Variants in PPP1R9A observed in about 807,000 individuals in gnomAD.
PPP1R9A encodes the protein neurabin-1.
In PPP1R9A, 59 loss-of-function variants were observed where a neutral mutation model predicts 141.9. That is an observed-to-expected ratio of 0.42 (90% CI 0.34 to 0.52). The LOEUF (loss-of-function observed/expected upper bound fraction) is 0.52. PPP1R9A is among the 20% of genes least tolerant of loss of function. The probability of loss-of-function intolerance (pLI) is 0.10; values close to 1 mark genes in which losing one functional copy is unlikely to be tolerated. For missense variants in PPP1R9A, 1,444 were observed against 1,611.9 expected, an observed-to-expected ratio of 0.90 and a Z score of 1.78; for synonymous variants, 500 against 569.7, an observed-to-expected ratio of 0.88 and a Z score of 1.74.
chr7:95,023,918 G>A (rs1278490312), intron 2 of PPP1R9A, among the ~76,000 whole-genome samples: 1 of 152,120 alleles, frequency 6.6e-6, no homozygotes, highest in African/African-American at 2.4e-5. Flanking sequence ...TCTCTTGTGG[G>A]CATTTAGTGC....
At chr7:94,963,068 T>C (rs1797812956) in intron 2 of PPP1R9A, among the ~76,000 whole-genome samples, 1 of 152,096 alleles carries the variant, frequency 6.6e-6, no homozygotes, top group Non-Finnish European at 1.5e-5. Flanking sequence ...TTATTCAAGA[T>C]ACTTGGGGAA....
intron 18 of PPP1R9A, chr7:95,287,141 A>C: frequency 6.2e-7 from 1 of 1,613,048 alleles, no homozygotes; most frequent in Non-Finnish European, 8.5e-7. Context: ...GAGGTGAGCT[A>C]TCAGTGGGCT....
At chr7:95,084,629 A>G (rs1356241014) in intron 2 of PPP1R9A, among the ~76,000 whole-genome samples, 2 of 152,120 alleles carry the variant, frequency 1.3e-5, no homozygotes, top group East Asian at 3.9e-4. Flanking sequence ...TTAGTTACCA[A>G]GCATTTTATA....
Position 95,265,824 on chromosome 7 carries a change from T to C in PPP1R9A, c.2666-2726T>C, listed in dbSNP as rs116246533. 1.5e-3 allele frequency among the ~76,000 whole-genome samples: 227 copies of C among 152,270 alleles called. 1 individual carries two copies. Among genetic ancestry groups the C allele is most frequent in the African/African-American group, 5.4e-3 (223 of 41,570 alleles). On this transcript the variant is annotated intron_variant, in intron 12 of 19. Coordinates refer to ENST00000433360, the MANE Select transcript of PPP1R9A (RefSeq NM_001166160.2). ...TTCAAAAATTGTTAACTGCATACAA[T>C]GTGTTGTTGGCTACTTAGGTACCGG...
intron 2 of PPP1R9A, among the ~76,000 whole-genome samples, chr7:95,002,253 T>C (rs1288585931): frequency 2.0e-5 from 3 of 152,204 alleles, no homozygotes; most frequent in African/African-American, 7.2e-5. Flanking sequence ...AATTGTAATA[T>C]TATAGATTAG....
At chr7:94,921,074 A>G (rs1397137760) in intron 2 of PPP1R9A, among the ~76,000 whole-genome samples, 5 of 152,188 alleles carry the variant, frequency 3.3e-5, no homozygotes, top group Non-Finnish European at 7.4e-5. Flanking sequence ...GTACCTTTTC[A>G]GGCTTGTGAA....
chr7:95,220,601 C>T (rs181138016), intron 7 of PPP1R9A, among the ~76,000 whole-genome samples: 1 of 152,072 alleles, frequency 6.6e-6, no homozygotes, highest in East Asian at 1.9e-4. Flanking sequence ...CTACAACTAT[C>T]TGAATTTATT....
chr7:95,290,009 G>T (rs1419138575), intron 19 of PPP1R9A, 82 bp from the exon 20 acceptor site: 12 of 1,551,380 alleles, frequency 7.7e-6, no homozygotes, highest in Non-Finnish European at 1.0e-5. Flanking sequence ...ATTAGTTTAC[G>T]AACTTGGATA....
At chr7:95,192,017 A>G (rs965515710) in intron 5 of PPP1R9A, among the ~76,000 whole-genome samples, 2 of 152,026 alleles carry the variant, frequency 1.3e-5, no homozygotes, top group Admixed American at 6.6e-5. Flanking sequence ...ATATTTTTGA[A>G]GGTTTTAAAA....
intron 2 of PPP1R9A, among the ~76,000 whole-genome samples, chr7:95,000,990 A>G (rs1467127984): frequency 6.6e-6 from 1 of 152,154 alleles, no homozygotes; most frequent in African/African-American, 2.4e-5. Flanking sequence ...TATCTTGTGT[A>G]GAGCCCTGTG....
intron 2 of PPP1R9A, among the ~76,000 whole-genome samples, chr7:95,050,816 A>T (rs1448713901): frequency 6.6e-6 from 1 of 152,214 alleles, no homozygotes; most frequent in African/African-American, 2.4e-5. Context: ...TAATTTTATA[A>T]GTAGGTAAGG....
chr7:95,152,480 C>T (rs932169595), intron 4 of PPP1R9A, among the ~76,000 whole-genome samples: 1 of 152,074 alleles, frequency 6.6e-6, no homozygotes, highest in Non-Finnish European at 1.5e-5. Flanking sequence ...CGTTTTGTCC[C>T]ATATGTTATA....
chr7:95,194,800 A>C (rs555269943), intron 5 of PPP1R9A, among the ~76,000 whole-genome samples: 7 of 152,056 alleles, frequency 4.6e-5, no homozygotes, highest in Admixed American at 2.6e-4. Context: ...ACCATAGTAT[A>C]TTATTGAGAG....
At chr7:94,909,859 A>C (rs1791267219) in intron 1 of PPP1R9A, 39 bp from the exon 2 acceptor site, 1 of 334,014 alleles carries the variant, frequency 3.0e-6, no homozygotes, top group Non-Finnish European at 5.4e-6. Context: ...AAATTCAAAT[A>C]AGTAAATGAA....
At chr7:95,239,475 C>T (rs546154216) in intron 8 of PPP1R9A, among the ~76,000 whole-genome samples, 1 of 152,096 alleles carries the variant, frequency 6.6e-6, no homozygotes, top group Non-Finnish European at 1.5e-5. Context: ...GGGAGGATCA[C>T]GTTAGCCTGG....
Position 95,247,172 on chromosome 7 carries a change from C to T in PPP1R9A, c.2113-301C>T, listed in dbSNP as rs534838114. Among the ~76,000 whole-genome samples, 10 of 152,248 alleles carry T rather than the reference C, an allele frequency of 6.6e-5. No homozygotes were observed. In the South Asian group the frequency reaches 1.0e-3, roughly 16 times the overall value. On this transcript the variant is annotated intron_variant, in intron 8 of 19. Transcript: ENST00000433360. ...ACTTAGCAAGGAAACAGTTCCTTGACGCTCAAATCATAAAGGAAGAGCTGC... is the reference window on the plus strand; with the variant it reads ...ACTTAGCAAGGAAACAGTTCCTTGATGCTCAAATCATAAAGGAAGAGCTGC...
intron 2 of PPP1R9A, among the ~76,000 whole-genome samples, chr7:95,110,014 T>A (rs113703378): frequency 2.0e-5 from 3 of 152,160 alleles, no homozygotes; most frequent in African/African-American, 7.2e-5. Context: ...CAAATAGGGA[T>A]CCAAGTGGCA....
At chr7:95,040,258 T>TA (rs936769763) in intron 2 of PPP1R9A, among the ~76,000 whole-genome samples, 27 of 149,772 alleles carry the variant, frequency 1.8e-4, no homozygotes, top group Non-Finnish European at 3.0e-4. Flanking sequence ...TAGAAGAAAG[T>TA]AAAAAAAGTG....
chr7:94,931,728 G>A (rs545331181), intron 2 of PPP1R9A, among the ~76,000 whole-genome samples: 3 of 152,174 alleles, frequency 2.0e-5, no homozygotes, highest in Admixed American at 6.5e-5. Context: ...ATAAGCATGC[G>A]CCACTACATC....
Sources: allele counts gnomAD v4.1 joint callset (sites outside exome capture counted in the v4.1 genomes callset), GRCh38; gene constraint gnomAD v4.1.1; transcripts MANE v1.5; gene names NCBI Gene and HGNC (gene_info 2026-07-23, HGNC 2026-07-21).